Variants in CNTN3 observed in about 807,000 individuals in gnomAD.
The protein encoded by CNTN3 is contactin 3.
In CNTN3, 60 loss-of-function variants were observed where a neutral mutation model predicts 119.1. That is an observed-to-expected ratio of 0.50 (90% confidence interval 0.41 to 0.62). The LOEUF is 0.62. Among genes scored for constraint, CNTN3 ranks in the 20% least tolerant of loss-of-function variants. The probability of loss-of-function intolerance (pLI) is 0.00; values close to 1 mark genes in which losing one functional copy is unlikely to be tolerated. For missense variants in CNTN3, 1,101 were observed against 1,242.4 expected (o/e 0.89, Z 1.71); for synonymous variants, 450 against 438.7 (o/e 1.03, Z -0.32).
intron 5 of CNTN3, among the ~76,000 whole-genome samples, chr3:74,399,652 T>C (rs757214362): frequency 3.3e-5 from 5 of 152,170 alleles, no homozygotes; most frequent in Non-Finnish European, 5.9e-5. Flanking sequence ...TTTGGGTATA[T>C]ACCCAGTGAT....
chr3:74,319,956 T>C (rs543045), intron 13 of CNTN3, among the ~76,000 whole-genome samples: 4 of 151,798 alleles, frequency 2.6e-5, no homozygotes, highest in Non-Finnish European at 5.9e-5. Flanking sequence ...TGCAAATCAA[T>C]ACCACAATGA....
chr3:74,385,981 T>A (rs1007962752), intron 5 of CNTN3, among the ~76,000 whole-genome samples: 2 of 152,206 alleles, frequency 1.3e-5, no homozygotes, highest in Non-Finnish European at 2.9e-5. Context: ...AACTTGCACA[T>A]ATTAACTTAT....
At chr3:74,297,384 G>GAAAAAA (rs72102148) in intron 18 of CNTN3, among the ~76,000 whole-genome samples, 1 of 145,144 alleles carries the variant, frequency 6.9e-6, no homozygotes. Flanking sequence ...ATGCCCAGAA[G>GAAAAAA]AAAAAAAAAA....
At chr3:74,417,488 G>A (rs1407153816) in intron 5 of CNTN3, among the ~76,000 whole-genome samples, 1 of 152,134 alleles carries the variant, frequency 6.6e-6, no homozygotes, top group East Asian at 1.9e-4. Context: ...ATAAATAGCT[G>A]TTTGATGGAT....
intron 5 of CNTN3, among the ~76,000 whole-genome samples, chr3:74,396,164 G>T (rs536982340): frequency 6.6e-6 from 1 of 152,212 alleles, no homozygotes; most frequent in African/African-American, 2.4e-5. Flanking sequence ...GCCTCTAAGT[G>T]TTCAAGTGAA....
intron 19 of CNTN3, 32 bp from the exon 20 acceptor site, chr3:74,285,523 G>A (rs148205686): frequency 1.3e-6 from 2 of 1,562,022 alleles, no homozygotes; most frequent in Non-Finnish European, 8.6e-7. Flanking sequence ...ACATGTGAAG[G>A]CTTAAAAAAT....
intron 5 of CNTN3, among the ~76,000 whole-genome samples, chr3:74,387,726 A>G (rs1376794573): frequency 6.6e-6 from 1 of 152,198 alleles, no homozygotes; most frequent in Non-Finnish European, 1.5e-5. Context: ...TCACCTCCCT[A>G]TGGGGCTAGA....
At chr3:74,428,081 T>C (rs1355267449) in intron 4 of CNTN3, among the ~76,000 whole-genome samples, 1 of 152,188 alleles carries the variant, frequency 6.6e-6, no homozygotes, top group Non-Finnish European at 1.5e-5. Context: ...TAGTGAAATA[T>C]ATTACTCCTG....
intron 1 of CNTN3, among the ~76,000 whole-genome samples, chr3:74,613,269 C>CA (rs1169524267): frequency 7.5e-6 from 1 of 132,490 alleles, no homozygotes; most frequent in Non-Finnish European, 1.6e-5. Flanking sequence ...AGTCTTCCTA[C>CA]TTTTTTTTTT....
At chr3:74,401,682 C>A (rs748220954) in intron 5 of CNTN3, among the ~76,000 whole-genome samples, 1 of 152,074 alleles carries the variant, frequency 6.6e-6, no homozygotes, top group African/African-American at 2.4e-5. Flanking sequence ...AATTATTAAG[C>A]AACATAATGT....
intron 6 of CNTN3, 28 bp from the exon 7 acceptor site, chr3:74,370,019 G>C: frequency 8.1e-7 from 1 of 1,236,470 alleles, no homozygotes; most frequent in Non-Finnish European, 1.2e-6. Flanking sequence ...AAAGTTAATC[G>C]TTTCAATATT....
chr3:74,336,404 A>G lies in CNTN3; in HGVS notation c.1492+127T>C, dbSNP rs574513605. 1,007 of 992,538 alleles carry G rather than the reference A, an allele frequency of 1.0e-3. 2 individuals carry two copies. Among genetic ancestry groups the G allele is most frequent in the Non-Finnish European group, 1.3e-3 (889 of 668,546 alleles). 61.5% of individuals were successfully genotyped at this position (992,538 alleles called of 1,614,324 possible). On this transcript the variant is annotated intron_variant, in intron 12 of 22. Transcript: ENST00000263665. ...TTGACTTTCACCTGTTAAAAATAAC[A>G]TAAGTGCAAATACAGGTTCTACCTT...
chr3:74,575,375 C>G (rs555872654), intron 1 of CNTN3, among the ~76,000 whole-genome samples: 12 of 151,932 alleles, frequency 7.9e-5, no homozygotes, highest in Non-Finnish European at 1.6e-4. Flanking sequence ...CCTCAGCCTC[C>G]TGAGTAGCTG....
At chr3:74,510,777 G>C (rs1033975235) in intron 2 of CNTN3, among the ~76,000 whole-genome samples, 1 of 152,064 alleles carries the variant, frequency 6.6e-6, no homozygotes, top group African/African-American at 2.4e-5. Flanking sequence ...TGCAAGCTAT[G>C]AATTTAGTTA....
chr3:74,522,094 C>T (rs183104779), intron 1 of CNTN3, among the ~76,000 whole-genome samples: 14 of 151,860 alleles, frequency 9.2e-5, no homozygotes, highest in Admixed American at 9.2e-4. Context: ...TGGTTCCCAA[C>T]AATGGGTTCC....
intron 12 of CNTN3, among the ~76,000 whole-genome samples, chr3:74,336,255 T>A (rs905224348): frequency 5.3e-5 from 8 of 151,272 alleles, no homozygotes; most frequent in Admixed American, 2.0e-4. Context: ...GAATTTTATT[T>A]AAAAAAAAAT....
chr3:74,330,404 A>G (rs544194705), intron 13 of CNTN3, among the ~76,000 whole-genome samples: 110 of 152,162 alleles, frequency 7.2e-4, no homozygotes, highest in Admixed American at 1.8e-3. Flanking sequence ...TAGCCATCAT[A>G]ATATTACAGC....
intron 5 of CNTN3, among the ~76,000 whole-genome samples, chr3:74,414,783 C>A (rs1701492656): frequency 2.0e-5 from 3 of 151,504 alleles, no homozygotes; most frequent in Admixed American, 6.6e-5. Context: ...CAGGTACACA[C>A]AAATGCGCTG....
At chr3:74,536,606 T>C (rs1335921509) in intron 1 of CNTN3, among the ~76,000 whole-genome samples, 1 of 152,120 alleles carries the variant, frequency 6.6e-6, no homozygotes, top group Admixed American at 6.6e-5. Context: ...ACATTTGTAA[T>C]AAATATGCTC....
Sources: gnomAD v4.1 joint callset for allele counts (sites outside exome capture counted in the v4.1 genomes callset) on GRCh38, gnomAD v4.1.1 for gene constraint, MANE v1.5 for transcripts, NCBI Gene and HGNC (gene_info 2026-07-23, HGNC 2026-07-21) for gene names.